The following BAIAP2L1 variants were observed in gnomAD, a reference collection of about 807,000 sequenced individuals.
The protein encoded by BAIAP2L1 is BAR/IMD domain containing adaptor protein 2 like 1.
Under a neutral mutation model 66.3 loss-of-function variants are expected in BAIAP2L1, and 35 were observed. That is an observed-to-expected ratio of 0.53 (90% confidence interval 0.40 to 0.70). The LOEUF (loss-of-function observed/expected upper bound fraction) is 0.70. Among genes scored for constraint, BAIAP2L1 ranks in the 30% least tolerant of loss-of-function variants. The pLI, the probability that BAIAP2L1 is intolerant of heterozygous loss-of-function variation, is 0.00. For missense variants in BAIAP2L1, 622 were observed against 656.9 expected (o/e 0.95, Z 0.58); for synonymous variants, 269 against 248.7 (o/e 1.08, Z -0.77).
chr7:98,382,670 A>G (rs1349148884), intron 1 of BAIAP2L1, among the ~76,000 whole-genome samples: 3 of 152,184 alleles, frequency 2.0e-5, no homozygotes, highest in Non-Finnish European at 4.4e-5. Flanking sequence ...ATTTCTTGGC[A>G]ATGCCAGGAA....
Position 98,393,123 on chromosome 7 carries a change from G to T in BAIAP2L1, c.51+7679C>A, listed in dbSNP as rs1341322425. ...CGTGTACATATATGTACACATATAT[G>T]TATATATACACACATATGTGTACAT... is the stretch of plus-strand genomic sequence containing the variant. On this transcript the variant is annotated intron_variant, in intron 1 of 13. Transcript: ENST00000005260. Among the ~76,000 whole-genome samples, 4 of 77,432 alleles carry T rather than the reference G, an allele frequency of 5.2e-5. 1 individual carries two copies. The highest frequency in any genetic ancestry group is 2.0e-4 in the African/African-American group (4 of 19,568). The allele number at this position is 77,432 out of a possible 152,430, so 50.8% of individuals were successfully genotyped here.
At chr7:98,363,027 CTTTTT>C (rs71537235) in intron 1 of BAIAP2L1, among the ~76,000 whole-genome samples, 8 of 75,610 alleles carry the variant, frequency 1.1e-4, no homozygotes, top group East Asian at 4.1e-4. Flanking sequence ...GGCATTTTTT[CTTTTT>C]TTTTTTTTTT....
Position 98,368,287 on chromosome 7 carries a change from C to T in BAIAP2L1, c.52-5855G>A, listed in dbSNP as rs755123314. Among the ~76,000 whole-genome samples the T allele has an allele frequency of 9.7e-4, 148 of 151,948 alleles. 1 individual carries two copies. Among genetic ancestry groups the T allele is most frequent in the Non-Finnish European group, 1.7e-3 (114 of 67,994 alleles). On this transcript the variant is annotated intron_variant, in intron 1 of 13. Transcript: ENST00000005260. ...ATACAAAAATTAGCGGGCGTGGTGG[C>T]GTTTGCCTGTAATCCCAGCTGCTCA...
intron 11 of BAIAP2L1, 95 bp from the exon 12 acceptor site, chr7:98,304,471 G>A: frequency 1.6e-6 from 2 of 1,220,112 alleles, no homozygotes; most frequent in Admixed American, 2.2e-5. Context: ...AACAGTAATA[G>A]TACATCACCA....
intron 3 of BAIAP2L1, among the ~76,000 whole-genome samples, chr7:98,342,341 A>AC (rs1435253707): frequency 6.6e-6 from 1 of 151,962 alleles, no homozygotes; most frequent in Non-Finnish European, 1.5e-5. Context: ...GAGCCACTGC[A>AC]CCCAGGCTGA....
At chr7:98,381,663 A>G (rs1207826364) in intron 1 of BAIAP2L1, among the ~76,000 whole-genome samples, 3 of 152,212 alleles carry the variant, frequency 2.0e-5, no homozygotes, top group Non-Finnish European at 4.4e-5. Flanking sequence ...ACTAGACGCA[A>G]TCACGTTGCT....
At chr7:98,370,744 G>T (rs1051539089) in intron 1 of BAIAP2L1, among the ~76,000 whole-genome samples, 1 of 151,412 alleles carries the variant, frequency 6.6e-6, no homozygotes, top group African/African-American at 2.4e-5. Flanking sequence ...CTCATGATCC[G>T]TCCGCCTCGG....
At chr7:98,303,637 G>A (rs1162825415) in intron 12 of BAIAP2L1, among the ~76,000 whole-genome samples, 2 of 152,206 alleles carry the variant, frequency 1.3e-5, no homozygotes, top group Non-Finnish European at 2.9e-5. Context: ...TCTGTGCGGT[G>A]GCGGGAATGG....
chr7:98,349,883 C>T lies in BAIAP2L1; in HGVS notation c.214+5159G>A, dbSNP rs575953558. On this transcript the variant is annotated intron_variant, in intron 3 of 13. Coordinates refer to ENST00000005260, the MANE Select transcript of BAIAP2L1 (RefSeq NM_018842.5). ...ACCAGCCTGACCAACATGGAGAAAC[C>T]CCATCTCTACTGAAAGTACAAAAAT... 3.3e-5 allele frequency among the ~76,000 whole-genome samples: 5 copies of T among 152,082 alleles called. No homozygotes were observed. In the South Asian group the frequency reaches 1.0e-3, roughly 32 times the overall value.
intron 3 of BAIAP2L1, among the ~76,000 whole-genome samples, chr7:98,335,692 G>A (rs1801602219): frequency 6.6e-6 from 1 of 152,032 alleles, no homozygotes; most frequent in African/African-American, 2.4e-5. Flanking sequence ...ATTTATAACT[G>A]AGGCAGGCAG....
intron 3 of BAIAP2L1, among the ~76,000 whole-genome samples, chr7:98,348,087 G>A (rs1163450220): frequency 6.6e-6 from 1 of 151,926 alleles, no homozygotes; most frequent in African/African-American, 2.4e-5. Context: ...GTATATCTAT[G>A]TAACAAACCT....
Position 98,400,977 on chromosome 7 carries a change from C to T in BAIAP2L1, c.-125G>A. On this transcript the variant is annotated 5_prime_UTR_variant, in exon 1 of 14. Transcript: ENST00000005260. ...CTGGAGGGTCGGCCGCCGCCGCAGC[C>T]GTCGGCCCGAGAGTGCCCGCGCGCG... is the stretch of plus-strand genomic sequence containing the variant. 1.1e-6 allele frequency: 1 copy of T among 876,036 alleles called. No homozygotes were observed. Among genetic ancestry groups the T allele is most frequent in the South Asian group, 3.2e-5 (1 of 31,304 alleles). 54.3% of individuals were successfully genotyped at this position (876,036 alleles called of 1,614,324 possible).
rs891174632 is a variant in BAIAP2L1 at position 98,353,216 on chromosome 7, G to A, written c.214+1826C>T. On this transcript the variant is annotated intron_variant, in intron 3 of 13. Transcript: ENST00000005260. ...GAGTCTATTAAATATAGCAGTACTGGGCTGGGTGAGGCCAGTCATCCTAGC... is the reference window on the plus strand; with the variant it reads ...GAGTCTATTAAATATAGCAGTACTGAGCTGGGTGAGGCCAGTCATCCTAGC... Among the ~76,000 whole-genome samples, 4 of 150,658 alleles carry A rather than the reference G, an allele frequency of 2.7e-5. 1 individual carries two copies. The South Asian group carries it at 8.3e-4, about 31-fold the overall frequency.
intron 3 of BAIAP2L1, among the ~76,000 whole-genome samples, chr7:98,354,191 T>A (rs1233304554): frequency 1.3e-5 from 2 of 151,842 alleles, no homozygotes; most frequent in African/African-American, 4.8e-5. Flanking sequence ...TTTGTCCCTG[T>A]CTTTTATGGG....
intron 3 of BAIAP2L1, among the ~76,000 whole-genome samples, chr7:98,331,785 G>A (rs1305703134): frequency 6.6e-6 from 1 of 152,072 alleles, no homozygotes; most frequent in East Asian, 1.9e-4. Flanking sequence ...AATCTTAAAA[G>A]CCAGAGGAAA....
chr7:98,331,974 A>G (rs1358192942), intron 3 of BAIAP2L1, among the ~76,000 whole-genome samples: 1 of 152,230 alleles, frequency 6.6e-6, no homozygotes, highest in African/African-American at 2.4e-5. Flanking sequence ...AGACATTCTC[A>G]GACAAACAAA....
At chr7:98,330,123 A>G (rs577965106) in intron 3 of BAIAP2L1, among the ~76,000 whole-genome samples, 33 of 152,328 alleles carry the variant, frequency 2.2e-4, no homozygotes, top group Middle Eastern at 3.4e-3. Context: ...CGTCATGTTC[A>G]GCTTCTAAAA....
intron 2 of BAIAP2L1, among the ~76,000 whole-genome samples, chr7:98,358,223 G>A (rs971755616): frequency 2.6e-5 from 4 of 152,092 alleles, no homozygotes; most frequent in Admixed American, 1.3e-4. Flanking sequence ...TGATGATAAA[G>A]TTAAATTAAC....
In BAIAP2L1 at chr7:98,361,359, A is replaced by G. The variant is rs187767889; in HGVS notation, c.127+998T>C. 6.2e-4 allele frequency among the ~76,000 whole-genome samples: 89 copies of G among 142,520 alleles called. 1 individual carries two copies. The highest frequency in any genetic ancestry group is 2.1e-3 in the African/African-American group (79 of 38,290). 93.5% of individuals were successfully genotyped at this position (142,520 alleles called of 152,430 possible). A position where few individuals can be genotyped will look rare whatever the true frequency, so the allele number is the denominator to read the frequency against. ...GCGACAGAGCAAGACTCTGTCTGGG[A>G]AAAAAAAAAAGAAAGAAAGAAAGAA... On this transcript the variant is annotated intron_variant, in intron 2 of 13. Transcript: ENST00000005260.
Sources: allele counts gnomAD v4.1 joint callset (sites outside exome capture counted in the v4.1 genomes callset), GRCh38; gene constraint gnomAD v4.1.1; transcripts MANE v1.5; gene names NCBI Gene and HGNC (gene_info 2026-07-23, HGNC 2026-07-21).